Variants in BRINP1 observed in about 807,000 individuals in gnomAD.
The protein encoded by BRINP1 is BMP/retinoic acid-inducible neural-specific protein 1.
In BRINP1, 17 loss-of-function variants were observed where a neutral mutation model predicts 72.9. That is an observed-to-expected ratio of 0.23 (90% confidence interval 0.16 to 0.35). The LOEUF (loss-of-function observed/expected upper bound fraction) is 0.35, where lower values mean the gene tolerates loss of function less well. BRINP1 is among the 10% of genes least tolerant of loss of function. BRINP1 has a pLI of 1.00. For synonymous variants in BRINP1, 418 were observed against 378.5 expected (o/e 1.10, Z -1.21); for missense variants, 850 against 1,001.6 (o/e 0.85, Z 2.04).
intron 5 of BRINP1, among the ~76,000 whole-genome samples, chr9:119,217,272 G>A (rs556072454): frequency 5.3e-5 from 8 of 151,752 alleles, no homozygotes; most frequent in Admixed American, 2.0e-4. Flanking sequence ...TACAGCTGCC[G>A]GCTGGGGTGA....
chr9:119,347,869 C>G lies in BRINP1; in HGVS notation c.-51+21187G>C, dbSNP rs565279423. Among the ~76,000 whole-genome samples the G allele has an allele frequency of 5.3e-5, 8 of 152,274 alleles. No individual in the cohort carries two copies. In the South Asian group the frequency reaches 1.7e-3, roughly 32 times the overall value. On this transcript the variant is annotated intron_variant, in intron 1 of 7. Transcript: ENST00000265922. Reference sequence around the variant, plus strand: ...AGCAAAATAAAACACAGAGCTATCCCATATACATTTATCCAGTCATATGCA... The same window carrying G: ...AGCAAAATAAAACACAGAGCTATCCGATATACATTTATCCAGTCATATGCA...
rs145648466 is a variant in BRINP1 at position 119,175,340 on chromosome 9, G to A, written c.1146-7116C>T. 1.0e-3 allele frequency among the ~76,000 whole-genome samples: 157 copies of A among 152,104 alleles called. 1 individual carries two copies. The highest frequency in any genetic ancestry group is 4.1e-3 in the Admixed American group (62 of 15,274). ...GAACAATGAGAACACATGGACACAGGGAGGGGAACACTACACACTGGGGTT... is the reference window on the plus strand; with the variant it reads ...GAACAATGAGAACACATGGACACAGAGAGGGGAACACTACACACTGGGGTT... On this transcript the variant is annotated intron_variant, in intron 7 of 7. Coordinates refer to ENST00000265922, the MANE Select transcript of BRINP1 (RefSeq NM_014618.3).
intron 7 of BRINP1, among the ~76,000 whole-genome samples, chr9:119,196,643 G>A (rs932090631): frequency 3.3e-5 from 5 of 152,122 alleles, no homozygotes; most frequent in Admixed American, 3.3e-4. Context: ...TACATGCTAG[G>A]AACAGTGAAT....
chr9:119,215,087 T>TA (rs1304499504), intron 5 of BRINP1, among the ~76,000 whole-genome samples: 2 of 152,178 alleles, frequency 1.3e-5, no homozygotes, highest in Non-Finnish European at 2.9e-5. Context: ...CACTGTAACA[T>TA]AAAAACTAAC....
chr9:119,255,517 C>A (rs1032616798), intron 2 of BRINP1, among the ~76,000 whole-genome samples: 1 of 152,174 alleles, frequency 6.6e-6, no homozygotes, highest in African/African-American at 2.4e-5. Flanking sequence ...AAGTCCGAAT[C>A]TTTCTTTTTA....
At chr9:119,189,612 A>G (rs574873197) in intron 7 of BRINP1, among the ~76,000 whole-genome samples, 1 of 152,178 alleles carries the variant, frequency 6.6e-6, no homozygotes, top group Admixed American at 6.5e-5. Context: ...GTTCATCAAG[A>G]GGACATAGCA....
chr9:119,174,727 A>T lies in BRINP1; in HGVS notation c.1146-6503T>A, dbSNP rs1441057311. 3.3e-5 allele frequency among the ~76,000 whole-genome samples: 5 copies of T among 151,746 alleles called. No homozygotes were observed. The East Asian group carries it at 9.7e-4, about 29-fold the overall frequency. Reference sequence around the variant, plus strand: ...GACTTGGAACCAACCCAAATATCCAACAATGATAGACTGGATTAAGAAAAT... The same window carrying T: ...GACTTGGAACCAACCCAAATATCCATCAATGATAGACTGGATTAAGAAAAT... On this transcript the variant is annotated intron_variant, in intron 7 of 7. Coordinates refer to ENST00000265922, the MANE Select transcript of BRINP1 (RefSeq NM_014618.3).
intron 2 of BRINP1, among the ~76,000 whole-genome samples, chr9:119,311,550 T>C (rs776236039): frequency 1.3e-5 from 2 of 152,168 alleles, no homozygotes; most frequent in Non-Finnish European, 2.9e-5. Flanking sequence ...AATCAATCCT[T>C]AGGTTTTTGA....
rs569579429 is a variant in BRINP1 at position 119,274,803 on chromosome 9, CAG to C, written c.219-25655_219-25654del. The stretch of plus-strand genomic sequence containing the variant: ...AGCATCAAGGGATGGCTTCAAGTCA[CAG>C]AGAGTAAATGCAGCACTTAGCTTGG... On this transcript the variant is annotated intron_variant, in intron 2 of 7. Transcript: ENST00000265922. Among the ~76,000 whole-genome samples the C allele has an allele frequency of 5.9e-5, 9 of 152,172 alleles. No homozygotes were observed. In the East Asian group the frequency reaches 1.7e-3, roughly 29 times the overall value.
In BRINP1 at chr9:119,360,469, A is replaced by G. The variant is rs551298533; in HGVS notation, c.-51+8587T>C. Among the ~76,000 whole-genome samples, 4 of 152,212 alleles carry G rather than the reference A, an allele frequency of 2.6e-5. No homozygotes were observed. The South Asian group carries it at 8.3e-4, about 32-fold the overall frequency. ...GGAAACGTACGTACTTACGGAAGGCAGTTGTCTCTTTCACAGCTCTCTGTT... is the reference window on the plus strand; with the variant it reads ...GGAAACGTACGTACTTACGGAAGGCGGTTGTCTCTTTCACAGCTCTCTGTT... On this transcript the variant is annotated intron_variant, in intron 1 of 7. Coordinates refer to ENST00000265922, the MANE Select transcript of BRINP1 (RefSeq NM_014618.3).
Position 119,367,192 on chromosome 9 carries a change from CAT to C in BRINP1, c.-51+1862_-51+1863del, listed in dbSNP as rs1491171772. On this transcript the variant is annotated intron_variant, in intron 1 of 7. Coordinates refer to ENST00000265922, the MANE Select transcript of BRINP1 (RefSeq NM_014618.3). ...TTTATCTCTCCCCAGAATATGAACA[CAT>C]GTGTGTGTGTGTGTGTGTGTGTGAT... Among the ~76,000 whole-genome samples, 352 of 79,752 alleles carry C rather than the reference CAT, an allele frequency of 4.4e-3. 1 individual carries two copies. The highest frequency in any genetic ancestry group is 0.026 in the East Asian group (45 of 1,754). 52.3% of individuals were successfully genotyped at this position (79,752 alleles called of 152,430 possible). A position where few individuals can be genotyped will look rare whatever the true frequency, so the allele number is the denominator to read the frequency against.
Position 119,184,003 on chromosome 9 carries a change from T to A in BRINP1, c.1146-15779A>T, listed in dbSNP as rs899932111. ...AAAAAGAAGCAGTCCATAGAAATTA[T>A]AAGACTTATGTCTATTTTTGACTAA... On this transcript the variant is annotated intron_variant, in intron 7 of 7. Transcript: ENST00000265922. Among the ~76,000 whole-genome samples, 12 of 152,094 alleles carry A rather than the reference T, an allele frequency of 7.9e-5. 1 individual carries two copies. Among genetic ancestry groups the A allele is most frequent in the African/African-American group, 2.7e-4 (11 of 41,394 alleles).
intron 7 of BRINP1, among the ~76,000 whole-genome samples, chr9:119,202,978 G>C (rs1263719587): frequency 6.6e-6 from 1 of 152,008 alleles, no homozygotes; most frequent in Non-Finnish European, 1.5e-5. Flanking sequence ...TGTCTTTCTG[G>C]GTTTCTGCTT....
intron 2 of BRINP1, among the ~76,000 whole-genome samples, chr9:119,265,725 C>G (rs892873800): frequency 6.6e-6 from 1 of 152,048 alleles, no homozygotes; most frequent in Non-Finnish European, 1.5e-5. Flanking sequence ...CAATCAGTAC[C>G]TTTTTTTAAA....
At chr9:119,306,019 C>T (rs898509012) in intron 2 of BRINP1, among the ~76,000 whole-genome samples, 1 of 152,194 alleles carries the variant, frequency 6.6e-6, no homozygotes, top group African/African-American at 2.4e-5. Context: ...CATTTCTCCT[C>T]CTAATCTACC....
chr9:119,201,456 A>C (rs1829804564), intron 7 of BRINP1, among the ~76,000 whole-genome samples: 1 of 152,170 alleles, frequency 6.6e-6, no homozygotes, highest in Non-Finnish European at 1.5e-5. Flanking sequence ...AAAGAAAGAA[A>C]AATTACCTTA....
chr9:119,361,617 CTTCT>C (rs777899321), intron 1 of BRINP1, among the ~76,000 whole-genome samples: 176 of 151,718 alleles, frequency 1.2e-3, no homozygotes, highest in Non-Finnish European at 2.3e-3. Context: ...TATTCTTCTT[CTTCT>C]TTTTTTTGTT....
chr9:119,299,839 A>G (rs1423687176), intron 2 of BRINP1, among the ~76,000 whole-genome samples: 2 of 152,218 alleles, frequency 1.3e-5, no homozygotes, highest in African/African-American at 4.8e-5. Context: ...CTATTGCGAA[A>G]AATATTTCCC....
chr9:119,354,258 G>C (rs896875024), intron 1 of BRINP1, among the ~76,000 whole-genome samples: 5 of 152,062 alleles, frequency 3.3e-5, no homozygotes, highest in African/African-American at 1.2e-4. Flanking sequence ...TGAAAAAATA[G>C]GACAAAATCC....
Sources: gnomAD v4.1 joint callset for allele counts (sites outside exome capture counted in the v4.1 genomes callset) on GRCh38, gnomAD v4.1.1 for gene constraint, MANE v1.5 for transcripts, NCBI Gene and HGNC (gene_info 2026-07-23, HGNC 2026-07-21) for gene names.